Variants in KCNQ1OT1 observed in about 807,000 individuals in gnomAD.
KCNQ1OT1 encodes KCNQ1 antisense RNA 2 (non-protein coding).
In KCNQ1OT1 at chr11:2,691,132, G is replaced by A. The variant is rs1731243761; in HGVS notation, n.8863C>T. 7.5e-6 allele frequency: 3 copies of A among 398,562 alleles called. No individual in the cohort carries two copies. Among genetic ancestry groups the A allele is most frequent in the African/African-American group, 2.1e-5 (1 of 48,636 alleles). 24.7% of individuals were successfully genotyped at this position (398,562 alleles called of 1,614,324 possible). A position where few individuals can be genotyped will look rare whatever the true frequency, so the allele number is the denominator to read the frequency against. On this transcript the variant is annotated non_coding_transcript_exon_variant, in exon 1 of 1. Coordinates refer to ENST00000597346, the Ensembl canonical transcript of KCNQ1OT1. This position sits in a 1 kb window ranked among gnomAD's most constrained non-coding sequence, Gnocchi z 6.4. ...GGGGTGGAGGCTGTGCAGACCTGGT[G>A]CAGAGTCTGTGCTGGCCTCTGGCCT...
Position 2,647,460 on chromosome 11 carries a change from T to C in KCNQ1OT1, n.52535A>G. The C allele has an allele frequency of 2.5e-6, 1 of 398,562 alleles. No homozygotes were observed. The highest frequency in any genetic ancestry group is 2.1e-5 in the African/African-American group (1 of 48,738). The allele number at this position is 398,562 out of a possible 1,614,324, so 24.7% of individuals were successfully genotyped here. ...GGGAGATTGGCCTGTAGTTTTCTTT[T>C]TTGCTGTTATTGTGTCCTTATCTGG... On this transcript the variant is annotated non_coding_transcript_exon_variant, in exon 1 of 1. Coordinates refer to ENST00000597346, the Ensembl canonical transcript of KCNQ1OT1. The surrounding 1 kb of genome is among the most constrained non-coding windows in gnomAD (Gnocchi z 4.0).
chr11:2,611,396 G>A lies in KCNQ1OT1; in HGVS notation n.88599C>T, dbSNP rs867634781. On this transcript the variant is annotated non_coding_transcript_exon_variant, in exon 1 of 1. Coordinates refer to ENST00000597346, the Ensembl canonical transcript of KCNQ1OT1. The surrounding 1 kb of genome is among the most constrained non-coding windows in gnomAD (Gnocchi z 5.3). ...CACCATACCCAGCTAATTTTTAGTA[G>A]AGACAGAGTTTCACCATGTTGACCA... 3.5e-5 allele frequency: 14 copies of A among 397,290 alleles called. No individual in the cohort carries two copies. Among genetic ancestry groups the A allele is most frequent in the Non-Finnish European group, 4.9e-5 (11 of 225,888 alleles). The allele number at this position is 397,290 out of a possible 1,614,324, so 24.6% of individuals were successfully genotyped here.
rs979071307 is a variant in KCNQ1OT1 at position 2,653,397 on chromosome 11, A to T, written n.46598T>A. ...CACATTCCTGAAGACTCTCTTGGTA[A>T]CAAATGATGGAACCCCAACTCAAAC... On this transcript the variant is annotated non_coding_transcript_exon_variant, in exon 1 of 1. Transcript: ENST00000597346. The surrounding 1 kb of genome is among the most constrained non-coding windows in gnomAD (Gnocchi z 5.3). The T allele has an allele frequency of 1.8e-4, 70 of 398,598 alleles. 1 individual carries two copies. In the East Asian group the frequency reaches 2.5e-3, roughly 14 times the overall value. The allele number at this position is 398,598 out of a possible 1,614,324, so 24.7% of individuals were successfully genotyped here.
At chr11:2,641,009 G>T in exon 1 of KCNQ1OT1, 1 of 398,382 alleles carries the variant, frequency 2.5e-6, no homozygotes, top group South Asian at 1.3e-4. Context: ...ATTCTTCTTT[G>T]GTCAATTAGT....
At chr11:2,684,516 T>C (rs1850451702) in exon 1 of KCNQ1OT1, 6 of 398,530 alleles carry the variant, frequency 1.5e-5, no homozygotes, top group Non-Finnish European at 2.2e-5. Context: ...TATTCCACTG[T>C]TAGGTGTTGG....
exon 1 of KCNQ1OT1, chr11:2,640,751 A>T (rs759697747): frequency 5.0e-6 from 2 of 397,762 alleles, no homozygotes; most frequent in Non-Finnish European, 8.9e-6. Flanking sequence ...TAGTCAACCA[A>T]CTCTTATCAA....
chr11:2,664,774 G>T lies in KCNQ1OT1; in HGVS notation n.35221C>A, dbSNP rs1289133639. On this transcript the variant is annotated non_coding_transcript_exon_variant, in exon 1 of 1. Transcript: ENST00000597346. This position sits in a 1 kb window ranked among gnomAD's most constrained non-coding sequence, Gnocchi z 5.1. ...GCTGGGGTCTCACAGGGGGCAGAGT[G>T]GGTGGGAGGCAGTTACCAAAAAACA... 5.0e-6 allele frequency: 2 copies of T among 398,752 alleles called. No homozygotes were observed. The highest frequency in any genetic ancestry group is 8.8e-6 in the Non-Finnish European group (2 of 226,166). The allele number at this position is 398,752 out of a possible 1,614,324, so 24.7% of individuals were successfully genotyped here. A position where few individuals can be genotyped will look rare whatever the true frequency, so the allele number is the denominator to read the frequency against.
At chr11:2,656,784 T>C in exon 1 of KCNQ1OT1, 1 of 398,674 alleles carries the variant, frequency 2.5e-6, no homozygotes, top group Non-Finnish European at 4.4e-6. Flanking sequence ...AAAACCATCC[T>C]AATGCTGATG....
rs1037064607 is a variant in KCNQ1OT1 at position 2,663,011 on chromosome 11, G to A, written n.36984C>T. 2.5e-5 allele frequency: 10 copies of A among 398,632 alleles called. No homozygotes were observed. The highest frequency in any genetic ancestry group is 1.3e-4 in the Admixed American group (3 of 22,722). The allele number at this position is 398,632 out of a possible 1,614,324, so 24.7% of individuals were successfully genotyped here. ...AGGCCTGGCCTTGCAAATCACTGAGGAAATCGGGACCCATGGTGCTGGGGG... is the reference window on the plus strand; with the variant it reads ...AGGCCTGGCCTTGCAAATCACTGAGAAAATCGGGACCCATGGTGCTGGGGG... On this transcript the variant is annotated non_coding_transcript_exon_variant, in exon 1 of 1. Coordinates refer to ENST00000597346, the Ensembl canonical transcript of KCNQ1OT1. The surrounding 1 kb of genome is among the most constrained non-coding windows in gnomAD (Gnocchi z 5.2).
In KCNQ1OT1 at chr11:2,669,272, C is replaced by G. The variant is rs896347415; in HGVS notation, n.30723G>C. The G allele has an allele frequency of 3.5e-5, 14 of 398,602 alleles. No homozygotes were observed. The highest frequency in any genetic ancestry group is 4.9e-5 in the Non-Finnish European group (11 of 226,138). The allele number at this position is 398,602 out of a possible 1,614,324, so 24.7% of individuals were successfully genotyped here. ...CCTTCCCCATCACTGGCTTTGCTGT[C>G]TTTGCAGGGTTTCTCCTCACCATAC... On this transcript the variant is annotated non_coding_transcript_exon_variant, in exon 1 of 1. Coordinates refer to ENST00000597346, the Ensembl canonical transcript of KCNQ1OT1. This position sits in a 1 kb window ranked among gnomAD's most constrained non-coding sequence, Gnocchi z 5.6.
exon 1 of KCNQ1OT1, chr11:2,631,431 T>C: frequency 2.5e-6 from 1 of 398,612 alleles, no homozygotes; most frequent in Non-Finnish European, 4.4e-6. Context: ...TGTTTGTTTT[T>C]TTTTTAGGAT....
exon 1 of KCNQ1OT1, chr11:2,610,364 T>C (rs2133789934): frequency 2.5e-6 from 1 of 398,274 alleles, no homozygotes; most frequent in Non-Finnish European, 4.4e-6. Flanking sequence ...TATATAATGA[T>C]ATATCTTTAA....
exon 1 of KCNQ1OT1, chr11:2,632,959 A>G (rs982467941): frequency 2.8e-5 from 11 of 398,328 alleles, no homozygotes; most frequent in Middle Eastern, 6.2e-4. Flanking sequence ...AAACTGTATG[A>G]TAGTCTACTT....
In KCNQ1OT1 at chr11:2,640,010, C is replaced by T. The variant is rs187540971; in HGVS notation, n.59985G>A. 3.6e-3 allele frequency: 571 copies of T among 158,148 alleles called. 7 individuals carry two copies. Among genetic ancestry groups the T allele is most frequent in the African/African-American group, 0.013 (543 of 41,846 alleles). The allele number at this position is 158,148 out of a possible 1,614,324, so 9.8% of individuals were successfully genotyped here. Reference sequence around the variant, plus strand: ...TGGGCGTGGGACCCTCCGAGCCAGGCGCGGGATATAATCTCCTGGTGTGCC... The same window carrying T: ...TGGGCGTGGGACCCTCCGAGCCAGGTGCGGGATATAATCTCCTGGTGTGCC... On this transcript the variant is annotated non_coding_transcript_exon_variant, in exon 1 of 1. Coordinates refer to ENST00000597346, the Ensembl canonical transcript of KCNQ1OT1.
At chr11:2,689,296 C>G (rs1850549023) in exon 1 of KCNQ1OT1, 1 of 398,598 alleles carries the variant, frequency 2.5e-6, no homozygotes, top group Admixed American at 4.4e-5. Flanking sequence ...CCACTCCAAC[C>G]CTAAGACTCA....
chr11:2,677,532 C>CA lies in KCNQ1OT1; in HGVS notation n.22462dup. 2.5e-6 allele frequency: 1 copy of CA among 398,406 alleles called. No individual in the cohort carries two copies. The highest frequency in any genetic ancestry group is 3.6e-5 in the East Asian group (1 of 28,064). The allele number at this position is 398,406 out of a possible 1,614,324, so 24.7% of individuals were successfully genotyped here. Reference sequence around the variant, plus strand: ...TGGAAGTGCTGCCAACATCCTCTGCCAAGTATAAAAGATGCCCTCAGATGT... The same window carrying CA: ...TGGAAGTGCTGCCAACATCCTCTGCCAAAGTATAAAAGATGCCCTCAGATGT... On this transcript the variant is annotated non_coding_transcript_exon_variant, in exon 1 of 1. Coordinates refer to ENST00000597346, the Ensembl canonical transcript of KCNQ1OT1. The surrounding 1 kb of genome is among the most constrained non-coding windows in gnomAD (Gnocchi z 4.5).
chr11:2,674,439 G>T lies in KCNQ1OT1; in HGVS notation n.25556C>A, dbSNP rs1211384335. On this transcript the variant is annotated non_coding_transcript_exon_variant, in exon 1 of 1. Transcript: ENST00000597346. This position sits in a 1 kb window ranked among gnomAD's most constrained non-coding sequence, Gnocchi z 5.9. ...CGCGCGCACACGACCACAGAGGCTGGGGGGAGGCACGTGGGGAGGAGGGCT... is the reference window on the plus strand; with the variant it reads ...CGCGCGCACACGACCACAGAGGCTGTGGGGAGGCACGTGGGGAGGAGGGCT... The T allele has an allele frequency of 2.5e-6, 1 of 398,648 alleles. No homozygotes were observed. Among genetic ancestry groups the T allele is most frequent in the Admixed American group, 4.4e-5 (1 of 22,734 alleles). 24.7% of individuals were successfully genotyped at this position (398,648 alleles called of 1,614,324 possible). A position where few individuals can be genotyped will look rare whatever the true frequency, so the allele number is the denominator to read the frequency against.
exon 1 of KCNQ1OT1, chr11:2,699,877 C>A (rs574911422): frequency 5.0e-6 from 2 of 396,682 alleles, no homozygotes; most frequent in South Asian, 2.6e-4. Context: ...TGCTGAGGAG[C>A]CCCGGGGAGG....
At chr11:2,614,298 T>C in exon 1 of KCNQ1OT1, 1 of 398,630 alleles carries the variant, frequency 2.5e-6, no homozygotes, top group Non-Finnish European at 4.4e-6. Context: ...ATATAGAGTC[T>C]TCTTTTTCTG....
Sources: allele counts gnomAD v4.1 joint callset, GRCh38; gene constraint gnomAD v4.1.1; non-coding constraint Gnocchi (gnomAD v3.1); transcripts MANE v1.5; gene names NCBI Gene and HGNC (gene_info 2026-07-23, HGNC 2026-07-21).